CYP2C19: variants seen among roughly 807,000 people sequenced by gnomAD.
CYP2C19 encodes the protein cytochrome P450 family 2 subfamily C member 19, also known as cytochrome P450 2C19.
Under a neutral mutation model 40.9 loss-of-function variants are expected in CYP2C19, and 59 were observed. That is an observed-to-expected ratio of 1.44 (90% CI 1.17 to 1.79). The LOEUF (loss-of-function observed/expected upper bound fraction) is 1.79. Among genes scored for constraint, CYP2C19 ranks in the 40% most tolerant of loss-of-function variants. The pLI, the probability that CYP2C19 is intolerant of heterozygous loss-of-function variation, is 0.00. For missense variants in CYP2C19, 754 were observed against 596.9 expected (o/e 1.26, Z -2.74); for synonymous variants, 253 against 208.7 (o/e 1.21, Z -1.83).
Position 94,820,650 on chromosome 10 carries a change from A to G in CYP2C19, c.961+13A>G, listed in dbSNP as rs1849103036. Reference sequence around the variant, plus strand: ...CCAGAGGTCACAGGTATGATCACAGAGGATGAGTTAATTGAGTTTTAGGAA... The same window carrying G: ...CCAGAGGTCACAGGTATGATCACAGGGGATGAGTTAATTGAGTTTTAGGAA... On this transcript the variant is annotated intron_variant, in intron 6 of 8. Coordinates refer to ENST00000371321, the MANE Select transcript of CYP2C19 (RefSeq NM_000769.4). The G allele has an allele frequency of 1.2e-6, 2 of 1,614,046 alleles. No individual in the cohort carries two copies. Among genetic ancestry groups the G allele is most frequent in the South Asian group, 2.2e-5 (2 of 91,090 alleles).
intron 5 of CYP2C19, among the ~76,000 whole-genome samples, chr10:94,816,913 AT>A (rs1274850540): frequency 4.9e-5 from 7 of 142,588 alleles, no homozygotes; most frequent in African/African-American, 1.8e-4. Context: ...TGAACTCATC[AT>A]TTTTTATGGC....
chr10:94,801,049 A>T (rs1210518341), intron 5 of CYP2C19, among the ~76,000 whole-genome samples: 1 of 152,190 alleles, frequency 6.6e-6, no homozygotes, highest in Non-Finnish European at 1.5e-5. Flanking sequence ...AGTACCAATG[A>T]GATGAACAAG....
intron 6 of CYP2C19, among the ~76,000 whole-genome samples, chr10:94,840,894 T>C (rs928397835): frequency 6.6e-6 from 1 of 152,184 alleles, no homozygotes; most frequent in African/African-American, 2.4e-5. Flanking sequence ...CATTTTTAAC[T>C]GGCCGACAGG....
chr10:94,818,901 G>T (rs1229270744), intron 5 of CYP2C19, among the ~76,000 whole-genome samples: 5 of 151,986 alleles, frequency 3.3e-5, no homozygotes, highest in African/African-American at 7.3e-5. Flanking sequence ...CTGCCTGATT[G>T]CCCTGGCCAG....
At chr10:94,795,151 C>T (rs1354392591) in intron 5 of CYP2C19, among the ~76,000 whole-genome samples, 1 of 108,066 alleles carries the variant, frequency 9.3e-6, no homozygotes, top group Non-Finnish European at 1.8e-5. Context: ...TTATCCCTCC[C>T]CCCACCCCCA....
At chr10:94,798,396 G>T (rs1251317313) in intron 5 of CYP2C19, among the ~76,000 whole-genome samples, 1 of 152,116 alleles carries the variant, frequency 6.6e-6, no homozygotes, top group Non-Finnish European at 1.5e-5. Context: ...TTGCTGAGGA[G>T]TGCTTTACTT....
intron 3 of CYP2C19, among the ~76,000 whole-genome samples, chr10:94,778,683 C>A (rs1294986103): frequency 6.6e-6 from 1 of 152,180 alleles, no homozygotes; most frequent in African/African-American, 2.4e-5. Context: ...TAAATTATTT[C>A]AACCACTGTG....
chr10:94,768,214 C>T (rs1402636765), intron 1 of CYP2C19, among the ~76,000 whole-genome samples: 4 of 152,180 alleles, frequency 2.6e-5, no homozygotes, highest in Non-Finnish European at 4.4e-5. Context: ...AGTTCTAAGG[C>T]TCGGGTAAGT....
intron 7 of CYP2C19, among the ~76,000 whole-genome samples, chr10:94,843,971 A>G (rs1025062745): frequency 7.2e-5 from 11 of 152,228 alleles, no homozygotes; most frequent in African/African-American, 2.4e-5. Flanking sequence ...AAATATAAAT[A>G]GAAATAAGTA....
intron 5 of CYP2C19, among the ~76,000 whole-genome samples, chr10:94,782,461 C>G (rs943649397): frequency 6.6e-6 from 1 of 152,072 alleles, no homozygotes; most frequent in Non-Finnish European, 1.5e-5. Context: ...CAGGATATAA[C>G]AGATGCTGAA....
chr10:94,850,028 A>G lies in CYP2C19; in HGVS notation c.1261A>G (p.Lys421Glu). 6 of 1,613,702 alleles carry G rather than the reference A, an allele frequency of 3.7e-6. No homozygotes were observed. Among genetic ancestry groups the G allele is most frequent in the Non-Finnish European group, 5.1e-6 (6 of 1,179,712 alleles). ...HFLDEGGNFK[K>E]SNYFMPFSAG... is the part of the protein sequence containing the mutation. Reference sequence around the variant, plus strand: ...TCTGGATGAAGGTGGAAATTTTAAGAAAAGTAACTACTTCATGCCTTTCTC... The same window carrying G: ...TCTGGATGAAGGTGGAAATTTTAAGGAAAGTAACTACTTCATGCCTTTCTC... The change falls in exon 8 of 9, where the codon AAA (lysine) becomes GAA (glutamate). Residue 421 changes from lysine (K) to glutamate (E), a missense_variant. Coordinates refer to ENST00000371321, the MANE Select transcript of CYP2C19 (RefSeq NM_000769.4).
intron 6 of CYP2C19, among the ~76,000 whole-genome samples, chr10:94,831,733 C>T (rs558956594): frequency 5.3e-5 from 8 of 152,104 alleles, no homozygotes; most frequent in Non-Finnish European, 2.9e-5. Context: ...ATCTTTTGCC[C>T]ACTTGTGGAC....
chr10:94,767,390 G>T (rs1347726950), intron 1 of CYP2C19, among the ~76,000 whole-genome samples: 2 of 152,186 alleles, frequency 1.3e-5, no homozygotes, highest in Admixed American at 6.5e-5. Flanking sequence ...CAAAATCTAG[G>T]AATTATTTCA....
intron 6 of CYP2C19, among the ~76,000 whole-genome samples, chr10:94,828,717 T>C (rs1849273491): frequency 6.6e-6 from 1 of 151,802 alleles, no homozygotes; most frequent in Non-Finnish European, 1.5e-5. Flanking sequence ...TGATGTTAGC[T>C]GGTTATTTTG....
At chr10:94,788,475 C>T (rs1217254243) in intron 5 of CYP2C19, among the ~76,000 whole-genome samples, 1 of 152,058 alleles carries the variant, frequency 6.6e-6, no homozygotes, top group Admixed American at 6.6e-5. Context: ...TATATACGCA[C>T]CATGGTGGTT....
chr10:94,817,984 G>T (rs1423672816), intron 5 of CYP2C19, among the ~76,000 whole-genome samples: 2 of 130,706 alleles, frequency 1.5e-5, no homozygotes, highest in East Asian at 4.4e-4. Flanking sequence ...CTGCACTCCA[G>T]CCTGGGCGAC....
At chr10:94,845,257 A>T (rs961893190) in intron 7 of CYP2C19, among the ~76,000 whole-genome samples, 5 of 152,216 alleles carry the variant, frequency 3.3e-5, no homozygotes, top group Admixed American at 3.3e-4. Context: ...GCAATCCTTG[A>T]CATCTGCTAT....
chr10:94,812,245 C>T (rs886460684), intron 5 of CYP2C19, among the ~76,000 whole-genome samples: 4 of 152,186 alleles, frequency 2.6e-5, no homozygotes, highest in Non-Finnish European at 5.9e-5. Flanking sequence ...GAGAGATATG[C>T]TGTTAGTCTG....
At chr10:94,813,526 G>A (rs1328827260) in intron 5 of CYP2C19, among the ~76,000 whole-genome samples, 2 of 151,932 alleles carry the variant, frequency 1.3e-5, no homozygotes, top group Non-Finnish European at 2.9e-5. Flanking sequence ...GTGGCTTTGC[G>A]GAGCTGAAGT....
Sources: allele counts gnomAD v4.1 joint callset (sites outside exome capture counted in the v4.1 genomes callset), GRCh38; gene constraint gnomAD v4.1.1; transcripts MANE v1.5; gene names NCBI Gene and HGNC (gene_info 2026-07-23, HGNC 2026-07-21).